Variants in RC3H1 observed in about 807,000 individuals in gnomAD.
RC3H1 encodes ring finger and CCCH-type domains 1, also known as roquin-1.
RC3H1 carries 50 observed loss-of-function variants against 138.2 expected under a neutral mutation model. The ratio of observed to expected loss-of-function variants is 0.36; its 90% CI spans 0.29 to 0.46. The LOEUF is 0.46. Ranked by LOEUF, RC3H1 falls within the 20% of genes least tolerant of loss-of-function variation. The pLI is 1.00. For missense variants in RC3H1, 1,031 were observed against 1,388.1 expected, an observed-to-expected ratio of 0.74 and a Z score of 4.09; for synonymous variants, 462 against 489.1, an observed-to-expected ratio of 0.94 and a Z score of 0.73.
chr1:173,961,871 T>G lies in RC3H1; in HGVS notation c.2056A>C (p.Ile686Leu). 2 of 1,614,150 alleles carry G rather than the reference T, an allele frequency of 1.2e-6. No individual in the cohort carries two copies. The change falls in exon 12 of 20, where the codon ATA becomes CTA. Residue 686 changes from isoleucine to leucine, a missense_variant. Ile to Leu is a conservative substitution (Grantham distance 5, BLOSUM62 2). Coordinates refer to ENST00000367696, the MANE Select transcript of RC3H1 (RefSeq NM_172071.4). ...YPAPSYTREE[I>L]FRESPIPIEI... ...ATGGGTATAGGGCTTTCTCGGAATA[T>G]CTCTTCTCTTGTGTAAGACGGAGCA...
chr1:173,994,800 A>C (rs1661423842), intron 1 of RC3H1, among the ~76,000 whole-genome samples: 1 of 151,098 alleles, frequency 6.6e-6, no homozygotes, highest in African/African-American at 2.4e-5. Flanking sequence ...CCATCTCAAA[A>C]AAAAAAAAAA....
At chr1:173,989,303 C>G (rs530315554) in intron 2 of RC3H1, among the ~76,000 whole-genome samples, 2 of 151,532 alleles carry the variant, frequency 1.3e-5, no homozygotes, top group African/African-American at 4.8e-5. Flanking sequence ...TCAGGTGATG[C>G]TCCCACCTCA....
Position 173,964,866 on chromosome 1 carries a change from C to T in RC3H1, c.1589G>A (p.Ser530Asn), listed in dbSNP as rs761846623. The T allele has an allele frequency of 2.4e-5, 38 of 1,613,990 alleles. No individual in the cohort carries two copies. The highest frequency in any genetic ancestry group is 3.1e-5 in the Non-Finnish European group (37 of 1,180,014). ...LKPGKIDHLS[S>N]SAPGSPPDLL... is the part of the protein sequence containing the mutation. ...GTCAGGAGGGGATCCAGGAGCACTA[C>T]TGCTCAGATGATCTATTTTTCCTGG... Residue 530 changes from serine to asparagine, a missense_variant, in exon 10 of 20, where the codon AGT becomes AAT. This residue lies in a region of RC3H1 where 716 missense variants were observed against 837.9 expected (regional missense o/e 0.85). Coordinates refer to ENST00000367696, the MANE Select transcript of RC3H1 (RefSeq NM_172071.4).
At chr1:173,990,495 A>G (rs2103035715) in intron 2 of RC3H1, among the ~76,000 whole-genome samples, 1 of 145,624 alleles carries the variant, frequency 6.9e-6, no homozygotes, top group Non-Finnish European at 1.5e-5. Flanking sequence ...CATATATATT[A>G]CTTATTTAAC....
At position 173,958,177 on chromosome 1, in the gene RC3H1, T is replaced by TA. The variant is rs577577983; in HGVS notation, c.2370+2899dup. Among the ~76,000 whole-genome samples the TA allele has an allele frequency of 4.9e-4, 72 of 147,524 alleles. 1 individual carries two copies. The South Asian group carries it at 8.3e-3, about 17-fold the overall frequency. On this transcript the variant is annotated intron_variant, in intron 13 of 19. Transcript: ENST00000367696. ...ATCCTGAGAAACCTTACTTGATTAT[T>TA]AAAAAAAAAAATACAAACTATAAGC...
chr1:173,974,317 G>A (rs1169996529), intron 7 of RC3H1, among the ~76,000 whole-genome samples: 1 of 149,794 alleles, frequency 6.7e-6, no homozygotes, highest in African/African-American at 2.5e-5. Context: ...TTTAGACAGA[G>A]GCCAGAAAAG....
chr1:174,013,692 C>T (rs1247012377), intron 1 of RC3H1, among the ~76,000 whole-genome samples: 2 of 151,926 alleles, frequency 1.3e-5, no homozygotes, highest in Admixed American at 1.3e-4. Context: ...CTTGGCCTCC[C>T]AAAGTGCTGG....
chr1:173,940,574 A>G (rs1557916356), intron 19 of RC3H1, among the ~76,000 whole-genome samples: 1 of 152,014 alleles, frequency 6.6e-6, no homozygotes, highest in Non-Finnish European at 1.5e-5. Context: ...CTTTTCTAAA[A>G]TTTTCCATTT....
chr1:173,985,857 T>C (rs1371680825), intron 2 of RC3H1, among the ~76,000 whole-genome samples: 1 of 152,218 alleles, frequency 6.6e-6, no homozygotes, highest in Non-Finnish European at 1.5e-5. Context: ...CATCCTTTCA[T>C]ATGCTTATTA....
intron 1 of RC3H1, among the ~76,000 whole-genome samples, chr1:174,017,783 C>CAAAAAAAAAAAAAAAAAAAA (rs61239660): frequency 1.1e-4 from 8 of 72,034 alleles, no homozygotes; most frequent in African/African-American, 4.0e-4. Context: ...TTTTCTTGCT[C>CAAAAAAAAAAAAAAAAAAAA]AAAAAAAAAA....
Position 173,964,997 on chromosome 1 carries a change from A to G in RC3H1, c.1458T>C (p.Pro486=). ...ILPDEGAVDL[P]SRKPPALPNG... is the part of the protein sequence containing the mutation. The stretch of plus-strand genomic sequence containing the variant: ...TTGGCAGAGCAGGAGGTTTTCTGCT[A>G]GGGAGATCCACTGCACCTTCATCTG... The change falls in exon 10 of 20, where the codon CCT becomes CCC. Residue 486 remains proline (P), a synonymous_variant. Transcript: ENST00000367696. The G allele has an allele frequency of 1.2e-6, 2 of 1,614,150 alleles. No homozygotes were observed. Among genetic ancestry groups the G allele is most frequent in the Non-Finnish European group, 1.7e-6 (2 of 1,180,036 alleles).
intron 13 of RC3H1, among the ~76,000 whole-genome samples, chr1:173,958,733 C>T (rs1304092568): frequency 6.6e-6 from 1 of 151,706 alleles, no homozygotes; most frequent in Non-Finnish European, 1.5e-5. Context: ...TACAGAAATA[C>T]AAAGAAGTTG....
rs371686476 is a variant in RC3H1, at chr1:173,934,794, G to A, written c.*3927C>T. The A allele has an allele frequency of 3.9e-5, 6 of 152,010 alleles. No homozygotes were observed. The highest frequency in any genetic ancestry group is 1.5e-4 in the African/African-American group (6 of 41,364). The allele number at this position is 152,010 out of a possible 1,614,324, so 9.4% of individuals were successfully genotyped here. A position where few individuals can be genotyped will look rare whatever the true frequency, so the allele number is the denominator to read the frequency against. ...TGGGGAGGGCAGTGGGTAAGTCAAG[G>A]GGAAATTACAGGGTGGAAAAAGGTC... On this transcript the variant is annotated 3_prime_UTR_variant, in exon 20 of 20. Coordinates refer to ENST00000367696, the MANE Select transcript of RC3H1 (RefSeq NM_172071.4).
rs558901865 is a variant in RC3H1, at chr1:173,990,055, C to T, written c.231+2700G>A. Among the ~76,000 whole-genome samples, 12 of 151,290 alleles carry T rather than the reference C, an allele frequency of 7.9e-5. No individual in the cohort carries two copies. In the South Asian group the frequency reaches 2.3e-3, roughly 29 times the overall value. ...CAAGTTTTAAGCTACTTTTAAACAA[C>T]GATTTGTAGTCTTCAAAATATAGTT... On this transcript the variant is annotated intron_variant, in intron 2 of 19. Transcript: ENST00000367696.
intron 18 of RC3H1, chr1:173,941,589 A>T (rs1658863560): frequency 4.5e-6 from 2 of 445,162 alleles, no homozygotes; most frequent in South Asian, 5.9e-5. Context: ...GGACAATAAG[A>T]CAGACAATGC....
intron 1 of RC3H1, among the ~76,000 whole-genome samples, chr1:174,015,424 A>G (rs1037585726): frequency 5.3e-5 from 8 of 151,110 alleles, no homozygotes; most frequent in African/African-American, 1.9e-4. Context: ...GTGCAGTGGC[A>G]TGATTTCAGC....
At chr1:174,014,881 T>C (rs943495294) in intron 1 of RC3H1, among the ~76,000 whole-genome samples, 5 of 152,234 alleles carry the variant, frequency 3.3e-5, no homozygotes, top group Non-Finnish European at 5.9e-5. Context: ...ACTGTATATA[T>C]GTTTATGATT....
intron 2 of RC3H1, among the ~76,000 whole-genome samples, chr1:173,991,033 C>G (rs991294291): frequency 6.6e-6 from 1 of 152,102 alleles, no homozygotes; most frequent in Non-Finnish European, 1.5e-5. Context: ...AGCTTGAGAC[C>G]AGCATAGCCA....
chr1:173,971,742 T>C (rs1660368503), intron 8 of RC3H1, among the ~76,000 whole-genome samples: 1 of 152,200 alleles, frequency 6.6e-6, no homozygotes. Flanking sequence ...CTGTGTTAGA[T>C]AGGTTAGGAA....
Sources: gnomAD v4.1 joint callset for allele counts (sites outside exome capture counted in the v4.1 genomes callset) on GRCh38, gnomAD v4.1.1 for gene constraint, gnomAD v4.1.1 regional missense constraint, MANE v1.5 for transcripts, NCBI Gene and HGNC (gene_info 2026-07-23, HGNC 2026-07-21) for gene names.